Variants in ANK3 observed in about 807,000 individuals in gnomAD.
ANK3 encodes ankyrin-3.
Under a neutral mutation model 370.9 loss-of-function variants are expected in ANK3, and 57 were observed. The ratio of observed to expected loss-of-function variants is 0.15; its 90% CI spans 0.12 to 0.19. The LOEUF is 0.19. ANK3 is among the 10% of genes least tolerant of loss of function. ANK3 has a pLI of 1.00. For missense variants in ANK3, 4,439 were observed against 5,302.1 expected (o/e 0.84, Z 5.06); for synonymous variants, 1,929 against 1,946.3 (o/e 0.99, Z 0.23).
At chr10:60,153,885 G>A (rs2095241995) in intron 23 of ANK3, among the ~76,000 whole-genome samples, 1 of 152,158 alleles carries the variant, frequency 6.6e-6, no homozygotes, top group Admixed American at 6.5e-5. Context: ...GAAAGGAAAA[G>A]GTAGCATTGT....
intron 2 of ANK3, among the ~76,000 whole-genome samples, chr10:60,492,526 T>G (rs996532002): frequency 2.0e-5 from 3 of 150,320 alleles, no homozygotes; most frequent in Non-Finnish European, 4.4e-5. Flanking sequence ...GCTAACACAG[T>G]GAAACCCCAT....
chr10:60,693,911 C>T lies in ANK3; in HGVS notation c.57+39352G>A, dbSNP rs538230210. 2.8e-3 allele frequency among the ~76,000 whole-genome samples: 420 copies of T among 152,168 alleles called. 1 individual carries two copies. The highest frequency in any genetic ancestry group is 9.4e-3 in the African/African-American group (391 of 41,484). On this transcript the variant is annotated intron_variant, in intron 1 of 43. Transcript: ENST00000373827. ...AAAGCTGGATGGAGAATGACTTTGA[C>T]GAGCTGAGAGAAGAAGGCTTCAGAC...
rs147223716 is a variant in ANK3, at chr10:60,726,418, G to T, written c.57+6845C>A. Among the ~76,000 whole-genome samples the T allele has an allele frequency of 2.6e-4, 40 of 152,278 alleles. 1 individual carries two copies. Among genetic ancestry groups the T allele is most frequent in the African/African-American group, 8.2e-4 (34 of 41,566 alleles). ...TAGAAAGTACAAAAGTGGACACAAG[G>T]TTCAACAGTAAACACTACCATTTAT... On this transcript the variant is annotated intron_variant, in intron 1 of 43. Coordinates refer to the ANK3 transcript ENST00000373827.
intron 1 of ANK3, among the ~76,000 whole-genome samples, chr10:60,286,071 A>G (rs1233200244): frequency 6.6e-6 from 1 of 152,186 alleles, no homozygotes; most frequent in Non-Finnish European, 1.5e-5. Flanking sequence ...AAAAATACAT[A>G]AAACATATAT....
intron 1 of ANK3, among the ~76,000 whole-genome samples, chr10:60,702,881 C>A (rs140458065): frequency 9.5e-4 from 145 of 152,192 alleles, no homozygotes; most frequent in African/African-American, 3.4e-3. Flanking sequence ...AAAAAGAAGT[C>A]TTACAAAAAA....
chr10:60,142,515 T>C (rs1307895709), intron 23 of ANK3, among the ~76,000 whole-genome samples: 1 of 151,982 alleles, frequency 6.6e-6, no homozygotes, highest in Non-Finnish European at 1.5e-5. Flanking sequence ...ATATAAGTTA[T>C]TTTTATGTTT....
chr10:60,105,714 G>A (rs898441815), intron 28 of ANK3, among the ~76,000 whole-genome samples, 191 bp downstream of exon 28: 2 of 152,050 alleles, frequency 1.3e-5, no homozygotes, highest in Non-Finnish European at 2.9e-5. Context: ...TCTATATTAC[G>A]GAGAATAAAG....
chr10:60,117,378 C>T (rs771464419), intron 25 of ANK3, among the ~76,000 whole-genome samples: 10 of 152,184 alleles, frequency 6.6e-5, no homozygotes, highest in South Asian at 2.1e-4. Flanking sequence ...GGTAAGTAGA[C>T]GAGACACATA....
intron 21 of ANK3, 123 bp from the exon 22 acceptor site, chr10:60,167,019 A>G: frequency 2.5e-6 from 2 of 801,734 alleles, no homozygotes; most frequent in Non-Finnish European, 4.1e-6. Context: ...TGAATCTCCC[A>G]CATATAAAAT....
intron 1 of ANK3, among the ~76,000 whole-genome samples, chr10:60,628,694 T>A (rs1469842277): frequency 6.6e-6 from 1 of 152,126 alleles, no homozygotes; most frequent in Non-Finnish European, 1.5e-5. Context: ...AATAAATAAA[T>A]AAACCAGATC....
At chr10:60,209,388 G>C (rs950090430) in intron 9 of ANK3, among the ~76,000 whole-genome samples, 1 of 152,104 alleles carries the variant, frequency 6.6e-6, no homozygotes, top group Non-Finnish European at 1.5e-5. Context: ...AGGAGTTCAA[G>C]ATAAGAAAAA....
At chr10:60,566,539 T>A (rs1484356260) in intron 2 of ANK3, among the ~76,000 whole-genome samples, 1 of 152,206 alleles carries the variant, frequency 6.6e-6, no homozygotes, top group Non-Finnish European at 1.5e-5. Flanking sequence ...ATAGCCTTAT[T>A]GCTGCTAGGG....
chr10:60,227,599 T>C (rs2097182465), intron 8 of ANK3, among the ~76,000 whole-genome samples: 1 of 152,172 alleles, frequency 6.6e-6, no homozygotes. Flanking sequence ...AGCAGTGTAT[T>C]TTATTTTTAA....
At chr10:60,348,885 G>C (rs771698674) in intron 1 of ANK3, among the ~76,000 whole-genome samples, 1 of 152,040 alleles carries the variant, frequency 6.6e-6, no homozygotes, top group Non-Finnish European at 1.5e-5. Context: ...GAATGAAAGG[G>C]GTATATCCAT....
intron 4 of ANK3, among the ~76,000 whole-genome samples, chr10:60,271,898 T>A (rs1028183967): frequency 2.0e-5 from 3 of 150,676 alleles, no homozygotes; most frequent in Non-Finnish European, 4.4e-5. Flanking sequence ...ACAAGTTAGG[T>A]GATCTAGTTG....
rs780473316 is a variant in ANK3 at position 60,069,257 on chromosome 10, G to A, written c.11624C>T (p.Thr3875Ile). 1 of 1,614,118 alleles carries A rather than the reference G, an allele frequency of 6.2e-7. No individual in the cohort carries two copies. Among genetic ancestry groups the A allele is most frequent in the Admixed American group, 1.7e-5 (1 of 60,004 alleles). ...LPIKATSPKD[T>I]FPPNHMSNTK... is the part of the protein sequence containing the mutation. ...GTTTGACATATGGTTCGGTGGGAAG[G>A]TATCTTTTGGTGAAGTGGCCTTTAT... The change falls in exon 37 of 44, where the codon ACC becomes ATC. Residue 3875 changes from threonine (T) to isoleucine (I), a missense_variant. Thr to Ile is a moderately conservative substitution (Grantham distance 89). Around this residue, in one of 13 missense-constraint regions of ANK3, gnomAD observed 496 missense variants for 529.3 expected, o/e 0.94. Coordinates refer to ENST00000280772, the MANE Select transcript of ANK3 (RefSeq NM_020987.5).
intron 2 of ANK3, among the ~76,000 whole-genome samples, chr10:60,452,519 C>T (rs2064635253): frequency 6.6e-6 from 1 of 152,154 alleles, no homozygotes; most frequent in Admixed American, 6.5e-5. Context: ...ACCCGTCTTC[C>T]TCCCCTTCGA....
At chr10:60,518,281 A>G (rs770209326) in intron 2 of ANK3, among the ~76,000 whole-genome samples, 116 of 152,086 alleles carry the variant, frequency 7.6e-4, no homozygotes, top group Non-Finnish European at 1.2e-3. Context: ...AAAAGAGAAA[A>G]AATAGCAAGC....
intron 23 of ANK3, chr10:60,145,913 A>G (rs2094797415): frequency 4.2e-6 from 3 of 706,828 alleles, no homozygotes; most frequent in Non-Finnish European, 7.7e-6. Context: ...AAGAGCAGTG[A>G]TTGCCTTTCA....
Sources: gnomAD v4.1 joint callset for allele counts (sites outside exome capture counted in the v4.1 genomes callset) on GRCh38, gnomAD v4.1.1 for gene constraint, gnomAD v4.1.1 regional missense constraint, MANE v1.5 for transcripts, NCBI Gene and HGNC (gene_info 2026-07-23, HGNC 2026-07-21) for gene names.